The following PDZRN4 variants were observed in gnomAD, a reference collection of about 807,000 sequenced individuals.
PDZRN4 encodes PDZ domain-containing RING finger protein 4.
In PDZRN4, 70 loss-of-function variants were observed where a neutral mutation model predicts 99.0. That is an observed-to-expected ratio of 0.71 (90% CI 0.58 to 0.86). PDZRN4 has a LOEUF of 0.86. Ranked by LOEUF, PDZRN4 falls within the 40% of genes least tolerant of loss-of-function variation. PDZRN4 has a pLI of 0.00. For synonymous variants in PDZRN4, 551 were observed against 501.6 expected (o/e 1.10, Z -1.32); for missense variants, 1,474 against 1,331.2 (o/e 1.11, Z -1.67).
chr12:41,190,422 G>T (rs533536306), intron 1 of PDZRN4, among the ~76,000 whole-genome samples: 3 of 152,290 alleles, frequency 2.0e-5, no homozygotes, highest in African/African-American at 7.2e-5. Flanking sequence ...TACCAGTCCA[G>T]GTTTCAAGGT....
chr12:41,524,878 T>C (rs1382750880), intron 5 of PDZRN4, among the ~76,000 whole-genome samples: 5 of 152,094 alleles, frequency 3.3e-5, no homozygotes, highest in Non-Finnish European at 5.9e-5. Flanking sequence ...AGATGGTGAT[T>C]TGGTCAGTTA....
chr12:41,208,767 G>C (rs778845889), intron 3 of PDZRN4, among the ~76,000 whole-genome samples: 42 of 151,874 alleles, frequency 2.8e-4, no homozygotes, highest in Non-Finnish European at 5.2e-4. Context: ...TCTCTGGGTA[G>C]AAGGCATTAT....
intron 3 of PDZRN4, among the ~76,000 whole-genome samples, chr12:41,465,287 G>C (rs1952913757): frequency 1.3e-5 from 2 of 152,040 alleles, no homozygotes; most frequent in South Asian, 4.2e-4. Context: ...CTTTATATTG[G>C]ACAAATATGG....
At chr12:41,541,214 G>T (rs1204067030) in intron 5 of PDZRN4, among the ~76,000 whole-genome samples, 1 of 151,856 alleles carries the variant, frequency 6.6e-6, no homozygotes, top group East Asian at 1.9e-4. Context: ...ACGGGTGTGA[G>T]CCACCATGCC....
At position 41,270,316 on chromosome 12, in the gene PDZRN4, GTGTGTGTGTC is replaced by G. The variant is rs1366717709; in HGVS notation, c.843+76138_843+76147del. Among the ~76,000 whole-genome samples the G allele has an allele frequency of 7.5e-4, 106 of 141,344 alleles. 1 individual carries two copies. The highest frequency in any genetic ancestry group is 2.8e-3 in the African/African-American group (104 of 37,808). 92.7% of individuals were successfully genotyped at this position (141,344 alleles called of 152,430 possible). ...GTGTGTGTGTCTGTGTGTGTGGTGT[GTGTGTGTGTC>G]TGTGTGTGTGTGTGTGTGTGTATTT... On this transcript the variant is annotated intron_variant, in intron 3 of 9. Transcript: ENST00000402685.
intron 3 of PDZRN4, among the ~76,000 whole-genome samples, chr12:41,259,233 C>T (rs1951222391): frequency 6.6e-6 from 1 of 151,458 alleles, no homozygotes; most frequent in South Asian, 2.1e-4. Flanking sequence ...TCATATTTAG[C>T]CTATTGAGGA....
intron 5 of PDZRN4, among the ~76,000 whole-genome samples, chr12:41,526,245 AC>A (rs1938565612): frequency 1.3e-5 from 2 of 152,148 alleles, no homozygotes; most frequent in South Asian, 4.1e-4. Flanking sequence ...AAGAGAGCTG[AC>A]CTGTGGCTCT....
chr12:41,271,578 C>T (rs980938079), intron 3 of PDZRN4, among the ~76,000 whole-genome samples: 25 of 152,092 alleles, frequency 1.6e-4, no homozygotes, highest in African/African-American at 6.0e-4. Context: ...TCCCTTGTTC[C>T]TAGCAAGCAT....
chr12:41,543,985 A>T (rs1938905085), intron 5 of PDZRN4, among the ~76,000 whole-genome samples: 1 of 152,242 alleles, frequency 6.6e-6, no homozygotes, highest in African/African-American at 2.4e-5. Flanking sequence ...TTTTAGGGTC[A>T]TATTTCCAAA....
At position 41,506,716 on chromosome 12, in the gene PDZRN4, T is replaced by C; in HGVS notation, c.1100+4T>C. ...GTCCATTCCTGCTCTCAGACAGGTA[T>C]TTTTCTATCATTTCTTCCAAAGCCC... On this transcript the variant is annotated splice_donor_region_variant and intron_variant, in intron 4 of 9. Coordinates refer to ENST00000402685, the MANE Select transcript of PDZRN4 (RefSeq NM_001164595.2). 1 of 1,597,686 alleles carries C rather than the reference T, an allele frequency of 6.3e-7. No individual in the cohort carries two copies. The highest frequency in any genetic ancestry group is 8.5e-7 in the Non-Finnish European group (1 of 1,170,962).
At chr12:41,369,292 T>C (rs1018915959) in intron 3 of PDZRN4, among the ~76,000 whole-genome samples, 2 of 152,124 alleles carry the variant, frequency 1.3e-5, no homozygotes, top group Admixed American at 1.3e-4. Flanking sequence ...AATCTTACAG[T>C]ACAATTGTGC....
chr12:41,237,375 T>C (rs1431342399), intron 3 of PDZRN4, among the ~76,000 whole-genome samples: 1 of 152,170 alleles, frequency 6.6e-6, no homozygotes, highest in Admixed American at 6.5e-5. Flanking sequence ...GCAAACACCT[T>C]TATGGATCAT....
At chr12:41,502,749 T>C (rs549171336) in intron 3 of PDZRN4, among the ~76,000 whole-genome samples, 4 of 152,016 alleles carry the variant, frequency 2.6e-5, no homozygotes, top group African/African-American at 9.6e-5. Flanking sequence ...AAATTTAAGA[T>C]TGAGACAAAG....
chr12:41,376,197 G>A (rs2121091227), intron 3 of PDZRN4, among the ~76,000 whole-genome samples: 1 of 152,054 alleles, frequency 6.6e-6, no homozygotes, highest in South Asian at 2.1e-4. Flanking sequence ...TGGGAGTGCT[G>A]GTATCTTTTC....
chr12:41,217,608 G>A (rs73119042), intron 3 of PDZRN4, among the ~76,000 whole-genome samples: 4,534 of 152,168 alleles, frequency 0.03, 237 homozygotes, highest in African/African-American at 0.1. Context: ...CAAAGACGTA[G>A]GTAGGTCTGA....
At chr12:41,336,060 G>C (rs931886472) in intron 3 of PDZRN4, among the ~76,000 whole-genome samples, 3 of 152,018 alleles carry the variant, frequency 2.0e-5, no homozygotes, top group Non-Finnish European at 2.9e-5. Flanking sequence ...AATTAAGGAG[G>C]CATTCCTCCT....
chr12:41,530,462 T>G (rs1260581229), intron 5 of PDZRN4, among the ~76,000 whole-genome samples: 2 of 152,214 alleles, frequency 1.3e-5, no homozygotes, highest in African/African-American at 4.8e-5. Context: ...TAGCTGGAAA[T>G]CACTCGTGTT....
chr12:41,264,100 T>C (rs1019521535), intron 3 of PDZRN4, among the ~76,000 whole-genome samples: 2 of 152,188 alleles, frequency 1.3e-5, no homozygotes, highest in Non-Finnish European at 2.9e-5. Flanking sequence ...AAAAAACCTA[T>C]GGAAATTCTA....
At chr12:41,348,288 C>G (rs1752630027) in intron 3 of PDZRN4, among the ~76,000 whole-genome samples, 1 of 152,006 alleles carries the variant, frequency 6.6e-6, no homozygotes, top group South Asian at 2.1e-4. Flanking sequence ...TAGCAAAACT[C>G]TGGGGGCCCC....
Sources: gnomAD v4.1 joint callset for allele counts (sites outside exome capture counted in the v4.1 genomes callset) on GRCh38, gnomAD v4.1.1 for gene constraint, MANE v1.5 for transcripts, NCBI Gene and HGNC (gene_info 2026-07-23, HGNC 2026-07-21) for gene names.